The following FAM240A variants were observed in gnomAD, a reference collection of about 807,000 sequenced individuals.
FAM240A encodes the protein protein FAM240A.
A neutral mutation model predicts 7.3 loss-of-function variants in FAM240A; 8 were observed. That is an observed-to-expected ratio of 1.09 (90% CI 0.64 to 1.97). The LOEUF (loss-of-function observed/expected upper bound fraction) is 1.97. FAM240A is among the 30% of genes most tolerant of loss of function. The probability of loss-of-function intolerance (pLI) is 0.00; values close to 1 mark genes in which losing one functional copy is unlikely to be tolerated. For missense variants in FAM240A, 90 were observed against 102.2 expected (o/e 0.88, Z 0.52); for synonymous variants, 32 against 35.9 (o/e 0.89, Z 0.38).
At chr3:46,623,128 A>C (rs1353985235) in intron 2 of FAM240A, among the ~76,000 whole-genome samples, 2 of 151,994 alleles carry the variant, frequency 1.3e-5, no homozygotes, top group Admixed American at 6.6e-5. Context: ...TATTATTATA[A>C]TTGCTTTTTT....
chr3:46,617,320 A>T lies in FAM240A; in HGVS notation c.153A>T (p.Ala51=). 1 of 1,527,686 alleles carries T rather than the reference A, an allele frequency of 6.5e-7. No homozygotes were observed. Among genetic ancestry groups the T allele is most frequent in the Non-Finnish European group, 8.7e-7 (1 of 1,144,050 alleles). 94.6% of individuals were successfully genotyped at this position (1,527,686 alleles called of 1,614,324 possible). ...ESEERRLGRS[A]LRKLREEWKQ... ...AGGAACGTCGTCTGGGAAGAAGCGC[A>T]CTGAGAAAGTATGTGGCTTGTTTGT... The change falls in exon 2 of 3, where the codon GCA becomes GCT. Residue 51 remains alanine, a synonymous_variant. Transcript: ENST00000640551.
rs748467427 is a variant in FAM240A at position 46,618,882 on chromosome 3, TACACAC to T, written c.161+1586_161+1591del. On this transcript the variant is annotated intron_variant, in intron 2 of 2. Transcript: ENST00000640551. ...ATATATATATGTATATATATATATA[TACACAC>T]ACACACACACACACACACACACACA... Among the ~76,000 whole-genome samples, 234 of 77,248 alleles carry T rather than the reference TACACAC, an allele frequency of 3.0e-3. 1 individual carries two copies. The highest frequency in any genetic ancestry group is 0.012 in the Middle Eastern group (2 of 166). 50.7% of individuals were successfully genotyped at this position (77,248 alleles called of 152,430 possible).
intron 1 of FAM240A, among the ~76,000 whole-genome samples, chr3:46,616,499 G>C (rs1317667188): frequency 1.3e-5 from 2 of 152,082 alleles, no homozygotes; most frequent in Non-Finnish European, 2.9e-5. Flanking sequence ...TTCCTTCTGA[G>C]TCTCCAATGC....
intron 1 of FAM240A, among the ~76,000 whole-genome samples, chr3:46,614,356 C>T (rs528571925): frequency 8.2e-4 from 125 of 152,286 alleles, no homozygotes; most frequent in African/African-American, 2.9e-3. Context: ...ATAGTGAGGA[C>T]AATGACTAAA....
rs548561547 is a variant in FAM240A, at chr3:46,612,854, G to A, written c.15+156G>A. 1.5e-4 allele frequency among the ~76,000 whole-genome samples: 23 copies of A among 152,306 alleles called. No individual in the cohort carries two copies. The South Asian group carries it at 4.4e-3, about 29-fold the overall frequency. On this transcript the variant is annotated intron_variant, in intron 1 of 2. Transcript: ENST00000640551. ...GCGTTTTGGGCAGAGGGGATACAGA[G>A]GAATAGAGCTATTTACTTATCAAGA...
In FAM240A at chr3:46,617,344, G is replaced by A; in HGVS notation, c.161+16G>A. On this transcript the variant is annotated intron_variant, in intron 2 of 2. Transcript: ENST00000640551. Reference sequence around the variant, plus strand: ...CACTGAGAAAGTATGTGGCTTGTTTGTCTACTTTTTAGAATTAATTAATTT... The same window carrying A: ...CACTGAGAAAGTATGTGGCTTGTTTATCTACTTTTTAGAATTAATTAATTT... 6.7e-7 allele frequency: 1 copy of A among 1,502,604 alleles called. No individual in the cohort carries two copies. Among genetic ancestry groups the A allele is most frequent in the Non-Finnish European group, 8.8e-7 (1 of 1,134,886 alleles). 93.1% of individuals were successfully genotyped at this position (1,502,604 alleles called of 1,614,324 possible).
chr3:46,617,757 G>A (rs1319876658), intron 2 of FAM240A, among the ~76,000 whole-genome samples: 1 of 152,154 alleles, frequency 6.6e-6, no homozygotes. Flanking sequence ...TCTGTGAAAA[G>A]CAATCAAGCA....
intron 1 of FAM240A, 108 bp from the exon 2 acceptor site, chr3:46,617,075 T>C (rs758157335): frequency 3.4e-5 from 25 of 729,532 alleles, no homozygotes; most frequent in African/African-American, 7.1e-5. Flanking sequence ...TGGAGTAAGA[T>C]GGTAGGTATC....
intron 1 of FAM240A, among the ~76,000 whole-genome samples, chr3:46,615,974 C>T (rs1697625700): frequency 6.6e-6 from 1 of 152,194 alleles, no homozygotes; most frequent in South Asian, 2.1e-4. Flanking sequence ...GCCTGTCACT[C>T]CTCAAATATC....
chr3:46,620,564 AG>A (rs1474850413), intron 2 of FAM240A, among the ~76,000 whole-genome samples: 2 of 151,800 alleles, frequency 1.3e-5, no homozygotes, highest in African/African-American at 4.8e-5. Flanking sequence ...CAGCATATAC[AG>A]GAAACAGAGG....
At chr3:46,620,225 T>G (rs1697678676) in intron 2 of FAM240A, among the ~76,000 whole-genome samples, 1 of 151,146 alleles carries the variant, frequency 6.6e-6, no homozygotes, top group South Asian at 2.1e-4. Context: ...GCCTATTTCT[T>G]CCCCACACCC....
chr3:46,622,320 A>G (rs1195438600), intron 2 of FAM240A, among the ~76,000 whole-genome samples: 2 of 151,516 alleles, frequency 1.3e-5, no homozygotes, highest in Non-Finnish European at 1.5e-5. Context: ...GTTAGCCAGG[A>G]TGGTCTCAAT....
chr3:46,617,492 T>C (rs1029559112), intron 2 of FAM240A, among the ~76,000 whole-genome samples, 164 bp downstream of exon 2: 12 of 152,206 alleles, frequency 7.9e-5, no homozygotes, highest in African/African-American at 2.9e-4. Flanking sequence ...CAGTGGTACC[T>C]TTGTGACTGT....
chr3:46,620,333 A>G (rs1285401920), intron 2 of FAM240A, among the ~76,000 whole-genome samples: 3 of 145,868 alleles, frequency 2.1e-5, no homozygotes, highest in African/African-American at 7.7e-5. Context: ...GGCTCCAAAC[A>G]CAAGTGAAAA....
At position 46,618,910 on chromosome 3, in the gene FAM240A, CACACACACATAT is replaced by C. The variant is rs879386756; in HGVS notation, c.161+1583_161+1594del. ...ACACACACACACACACACACACACACACACACACATATGCAGTATCTATCTATGCATATAATA... is the reference window on the plus strand; with the variant it reads ...ACACACACACACACACACACACACACGCAGTATCTATCTATGCATATAATA... On this transcript the variant is annotated intron_variant, in intron 2 of 2. Transcript: ENST00000640551. Among the ~76,000 whole-genome samples, 210 of 149,172 alleles carry C rather than the reference CACACACACATAT, an allele frequency of 1.4e-3. 2 individuals carry two copies. Among genetic ancestry groups the C allele is most frequent in the Admixed American group, 4.3e-3 (65 of 15,026 alleles).
chr3:46,613,112 A>C (rs1278922237), intron 1 of FAM240A, among the ~76,000 whole-genome samples: 1 of 152,248 alleles, frequency 6.6e-6, no homozygotes, highest in African/African-American at 2.4e-5. Context: ...TTACTGAGGA[A>C]TAACTTATGT....
chr3:46,618,908 CACACACACACAT>C lies in FAM240A; in HGVS notation c.161+1582_161+1593del, dbSNP rs1252022148. ...ACACACACACACACACACACACACA[CACACACACACAT>C]ATGCAGTATCTATCTATGCATATAA... On this transcript the variant is annotated intron_variant, in intron 2 of 2. Coordinates refer to ENST00000640551, the MANE Select transcript of FAM240A (RefSeq NM_001195442.2). Among the ~76,000 whole-genome samples, 836 of 150,860 alleles carry C rather than the reference CACACACACACAT, an allele frequency of 5.5e-3. 10 individuals carry two copies. The highest frequency in any genetic ancestry group is 0.019 in the African/African-American group (781 of 41,280).
chr3:46,615,003 C>A (rs1697612060), intron 1 of FAM240A, among the ~76,000 whole-genome samples: 1 of 152,134 alleles, frequency 6.6e-6, no homozygotes. Context: ...TTATAAATTG[C>A]AGAACACTTT....
At chr3:46,617,146 G>GT in intron 1 of FAM240A, 37 bp from the exon 2 acceptor site, 4 of 1,385,992 alleles carry the variant, frequency 2.9e-6, no homozygotes, top group South Asian at 1.3e-5. Flanking sequence ...TTCTTCATAT[G>GT]TTTTTTGGTT....
Sources: allele counts gnomAD v4.1 joint callset (sites outside exome capture counted in the v4.1 genomes callset), GRCh38; gene constraint gnomAD v4.1.1; transcripts MANE v1.5; gene names NCBI Gene and HGNC (gene_info 2026-07-23, HGNC 2026-07-21).